The following LINGO1 variants were observed in gnomAD, a reference collection of about 807,000 sequenced individuals.
LINGO1 encodes the protein leucine rich repeat and Ig domain containing 1, also known as leucine-rich repeat and immunoglobulin-like domain-containing nogo receptor-interacting protein 1.
LINGO1 carries 11 observed loss-of-function variants against 37.3 expected under a neutral mutation model. That is an observed-to-expected ratio of 0.29 (90% CI 0.19 to 0.49). The LOEUF is 0.49. LINGO1 is among the 20% of genes least tolerant of loss of function. The pLI is 0.99. For synonymous variants in LINGO1, 387 were observed against 403.0 expected (o/e 0.96, Z 0.48); for missense variants, 585 against 878.2 (o/e 0.67, Z 4.22).
chr15:77,749,904 G>A (rs1252615260), intron 1 of LINGO1, among the ~76,000 whole-genome samples: 1 of 152,136 alleles, frequency 6.6e-6, no homozygotes, highest in African/African-American at 2.4e-5. Flanking sequence ...AGCTGCCATG[G>A]GGCAGGCCGG....
At chr15:77,629,584 C>G (rs1365285964) in intron 1 of LINGO1, among the ~76,000 whole-genome samples, 1 of 152,222 alleles carries the variant, frequency 6.6e-6, no homozygotes, top group Non-Finnish European at 1.5e-5. Context: ...TCTGTCTCTT[C>G]TCAACCCCTG....
At chr15:77,777,887 T>C (rs2076677362) in intron 1 of LINGO1, among the ~76,000 whole-genome samples, 1 of 150,474 alleles carries the variant, frequency 6.6e-6, no homozygotes, top group Non-Finnish European at 1.5e-5. Context: ...TGTGCCACTG[T>C]ATTTCCTGTC....
At chr15:77,741,216 C>T (rs2076260956) in intron 1 of LINGO1, among the ~76,000 whole-genome samples, 1 of 152,226 alleles carries the variant, frequency 6.6e-6, no homozygotes, top group African/African-American at 2.4e-5. Flanking sequence ...AGAGGTGCCC[C>T]CTCTAGATTT....
At chr15:77,635,904 GC>G (rs1263244742), upstream of LINGO1, among the ~76,000 whole-genome samples, 1 of 152,278 alleles carries the variant, frequency 6.6e-6, no homozygotes, top group Non-Finnish European at 1.5e-5. Flanking sequence ...GCTGGAAGGA[GC>G]CAGCCTGACT....
chr15:77,724,447 C>T (rs897227574), intron 2 of LINGO1, among the ~76,000 whole-genome samples: 5 of 152,178 alleles, frequency 3.3e-5, no homozygotes, highest in East Asian at 1.9e-4. Context: ...CTTCAGAAGA[C>T]GCAACTAATG....
At chr15:77,707,099 T>C (rs2075861892) in intron 2 of LINGO1, among the ~76,000 whole-genome samples, 1 of 152,032 alleles carries the variant, frequency 6.6e-6, no homozygotes, top group African/African-American at 2.4e-5. Context: ...TCGAAACAAA[T>C]TGCCTCAGCA....
chr15:77,723,234 G>T (rs927416721), intron 2 of LINGO1, among the ~76,000 whole-genome samples: 1 of 151,752 alleles, frequency 6.6e-6, no homozygotes, highest in Admixed American at 6.6e-5. Flanking sequence ...TGAGGCAGGG[G>T]TTTCATCAGC....
upstream of LINGO1, among the ~76,000 whole-genome samples, chr15:77,632,914 G>A (rs1428552720): frequency 1.3e-5 from 2 of 151,308 alleles, no homozygotes; most frequent in Non-Finnish European, 3.0e-5. This position sits in a 1 kb window ranked among gnomAD's most constrained non-coding sequence, Gnocchi z 6.0. Context: ...GGGAGCACTA[G>A]GAGCGAGCCA....
At chr15:77,682,497 T>C (rs1375304928) in intron 2 of LINGO1, among the ~76,000 whole-genome samples, 3 of 151,958 alleles carry the variant, frequency 2.0e-5, no homozygotes, top group Admixed American at 1.3e-4. Context: ...CCTGCATGCA[T>C]TTCGCTCCCT....
Position 77,632,125 on chromosome 15 carries a change from G to A in LINGO1, c.6+185C>T, listed in dbSNP as rs2074272740. 1.3e-5 allele frequency among the ~76,000 whole-genome samples: 2 copies of A among 152,168 alleles called. No individual in the cohort carries two copies. Among genetic ancestry groups the A allele is most frequent in the African/African-American group, 4.8e-5 (2 of 41,456 alleles). On this transcript the variant is annotated intron_variant, in intron 1 of 1. Coordinates refer to ENST00000355300, the MANE Select transcript of LINGO1 (RefSeq NM_032808.7). The surrounding 1 kb of genome is among the most constrained non-coding windows in gnomAD (Gnocchi z 6.0). ...TGTTGGGGTTGGAGAGAGGGGAGGT[G>A]GAAAAGGAAGAATTTTCATTTCTGA... is the stretch of plus-strand genomic sequence containing the variant.
chr15:77,805,983 C>T (rs1348660762), intron 1 of LINGO1, among the ~76,000 whole-genome samples: 1 of 152,216 alleles, frequency 6.6e-6, no homozygotes, highest in East Asian at 1.9e-4. Flanking sequence ...AGAGCTGTGA[C>T]CCCGGCAGAG....
At chr15:77,802,807 C>T (rs970691819) in intron 1 of LINGO1, among the ~76,000 whole-genome samples, 4 of 152,126 alleles carry the variant, frequency 2.6e-5, no homozygotes, top group South Asian at 2.1e-4. Flanking sequence ...GCAGCTGCCA[C>T]GGGAGCACTC....
At chr15:77,662,976 C>A (rs566271312) in intron 3 of LINGO1, among the ~76,000 whole-genome samples, 1 of 152,206 alleles carries the variant, frequency 6.6e-6, no homozygotes, top group African/African-American at 2.4e-5. Context: ...TCACCACACT[C>A]GAAAGGCAGG....
chr15:77,735,565 C>G (rs1439785314), intron 1 of LINGO1, among the ~76,000 whole-genome samples: 4 of 152,250 alleles, frequency 2.6e-5, no homozygotes, highest in Non-Finnish European at 5.9e-5. Context: ...TTGTCACTGG[C>G]TCACCCTGGG....
At chr15:77,619,276 A>G (rs534970397) in intron 1 of LINGO1, among the ~76,000 whole-genome samples, 1 of 152,262 alleles carries the variant, frequency 6.6e-6, no homozygotes, top group South Asian at 2.1e-4. Context: ...CTTTGAAAGG[A>G]AACATGCGCA....
intron 1 of LINGO1, among the ~76,000 whole-genome samples, chr15:77,762,449 ATTCCTAGCCAGGCCCT>A (rs996814059): frequency 2.0e-5 from 3 of 152,084 alleles, no homozygotes; most frequent in African/African-American, 7.2e-5. Flanking sequence ...ACCCAATTCA[ATTCCTAGCCAGGCCCT>A]CAGAGTAAGA....
At chr15:77,790,782 A>G (rs1374525526), upstream of LINGO1, among the ~76,000 whole-genome samples, 1 of 152,028 alleles carries the variant, frequency 6.6e-6, no homozygotes, top group African/African-American at 2.4e-5. Context: ...ATCCATGGAG[A>G]CTTCAGGGAG....
chr15:77,671,343 G>A (rs967686441), intron 3 of LINGO1, among the ~76,000 whole-genome samples: 4 of 152,138 alleles, frequency 2.6e-5, no homozygotes, highest in African/African-American at 9.7e-5. Context: ...GGGAGGAGAG[G>A]GGGTGAGAAG....
At chr15:77,624,898 C>T (rs894905368) in intron 1 of LINGO1, among the ~76,000 whole-genome samples, 3 of 152,182 alleles carry the variant, frequency 2.0e-5, no homozygotes, top group African/African-American at 7.2e-5. Context: ...CAGTATCTCC[C>T]TTCTCATGTC....
Sources: gnomAD v4.1 joint callset for allele counts (sites outside exome capture counted in the v4.1 genomes callset) on GRCh38, gnomAD v4.1.1 for gene constraint, Gnocchi (gnomAD v3.1) non-coding constraint, MANE v1.5 for transcripts, NCBI Gene and HGNC (gene_info 2026-07-23, HGNC 2026-07-21) for gene names.